The following WASHC5 variants were observed in gnomAD, a reference collection of about 807,000 sequenced individuals.
WASHC5 encodes the protein WASH complex subunit 5, also known as WASH complex subunit strumpellin.
A neutral mutation model predicts 150.4 loss-of-function variants in WASHC5; 101 were observed. The observed-to-expected ratio is 0.67, with a 90% confidence interval of 0.57 to 0.79. WASHC5 has a LOEUF of 0.79. Ranked by LOEUF, WASHC5 falls within the 30% of genes least tolerant of loss-of-function variation. WASHC5 has a pLI of 0.00. For synonymous variants in WASHC5, 467 were observed against 491.2 expected, an observed-to-expected ratio of 0.95 and a Z score of 0.65; for missense variants, 1,195 against 1,396.3, an observed-to-expected ratio of 0.86 and a Z score of 2.30.
chr8:125,049,261 T>C, intron 18 of WASHC5, 76 bp from the exon 19 acceptor site: 1 of 1,507,232 alleles, frequency 6.6e-7, no homozygotes, highest in South Asian at 1.1e-5. Flanking sequence ...CTAACTAGAC[T>C]TTAAATAGTA....
intron 26 of WASHC5, among the ~76,000 whole-genome samples, chr8:125,034,340 A>G (rs1815632924): frequency 6.6e-6 from 1 of 152,080 alleles, no homozygotes; most frequent in African/African-American, 2.4e-5. Context: ...CTCTACTAAC[A>G]ATACAAAAAT....
At chr8:125,033,811 A>G (rs1377629678) in intron 26 of WASHC5, among the ~76,000 whole-genome samples, 1 of 152,054 alleles carries the variant, frequency 6.6e-6, no homozygotes, top group African/African-American at 2.4e-5. Context: ...GCCTCCCAAA[A>G]TGCTGGGATT....
At chr8:125,068,451 C>T (rs1319503329) in intron 9 of WASHC5, among the ~76,000 whole-genome samples, 2 of 152,308 alleles carry the variant, frequency 1.3e-5, no homozygotes, top group East Asian at 1.9e-4. Context: ...TGGGACTCCA[C>T]TGGGAGAGGA....
intron 24 of WASHC5, among the ~76,000 whole-genome samples, chr8:125,039,264 A>G (rs558635071): frequency 1.5e-4 from 23 of 152,340 alleles, no homozygotes; most frequent in Admixed American, 1.1e-3. Context: ...TGAGAAGCAC[A>G]GATTATTTAT....
chr8:125,077,283 TC>T (rs1376133508), intron 6 of WASHC5, among the ~76,000 whole-genome samples: 1 of 152,242 alleles, frequency 6.6e-6, no homozygotes, highest in Admixed American at 6.5e-5. Context: ...CGGAATGCCT[TC>T]GCTCTTTCTC....
rs571640345 is a variant in WASHC5 at position 125,027,418 on chromosome 8, C to T, written c.3423+1202G>A. 3.9e-3 allele frequency among the ~76,000 whole-genome samples: 594 copies of T among 152,262 alleles called. 3 individuals are homozygous for T. Among genetic ancestry groups the T allele is most frequent in the Middle Eastern group, 0.017 (5 of 294 alleles). On this transcript the variant is annotated intron_variant, in intron 28 of 28. Coordinates refer to ENST00000318410, the MANE Select transcript of WASHC5 (RefSeq NM_014846.4). Reference sequence around the variant, plus strand: ...ATAAAGAAATTGTGATATATACATACGATGGAATGCTACGCAGCCATAAAA... The same window carrying T: ...ATAAAGAAATTGTGATATATACATATGATGGAATGCTACGCAGCCATAAAA...
chr8:125,044,618 G>A lies in WASHC5; in HGVS notation c.2585C>T (p.Ser862Leu). 2.5e-6 allele frequency: 4 copies of A among 1,614,122 alleles called. No individual in the cohort carries two copies. Among genetic ancestry groups the A allele is most frequent in the Non-Finnish European group, 3.4e-6 (4 of 1,179,972 alleles). ...HQEVTSSRLF[S>L]EIQTTLGTFG... ...GGTTCCCAAGGTGGTCTGGATTTCTGAGAAGAGGCGGCTGCTGGTCACTTC... is the reference window on the plus strand; with the variant it reads ...GGTTCCCAAGGTGGTCTGGATTTCTAAGAAGAGGCGGCTGCTGGTCACTTC... The change falls in exon 21 of 29, where the codon TCA becomes TTA. Residue 862 changes from serine (S) to leucine (L), a missense_variant. This residue lies in a region of WASHC5 where 997 missense variants were observed against 1,168.1 expected (regional missense o/e 0.85). Coordinates refer to ENST00000318410, the MANE Select transcript of WASHC5 (RefSeq NM_014846.4).
chr8:125,044,687 T>C lies in WASHC5; in HGVS notation c.2516A>G (p.His839Arg), dbSNP rs1310609854. Residue 839 changes from histidine to arginine, a missense_variant, in exon 21 of 29, where the codon CAC becomes CGC. His to Arg is a conservative substitution (Grantham distance 29, BLOSUM62 0). Coordinates refer to ENST00000318410, the MANE Select transcript of WASHC5 (RefSeq NM_014846.4). Reference sequence around the variant, plus strand: ...ATACCAAGTGTTCAGCTGGTCTATGTGACATGTCATTCTAAAATGAAAACA... The same window carrying C: ...ATACCAAGTGTTCAGCTGGTCTATGCGACATGTCATTCTAAAATGAAAACA... ...LRITDPKMTCHIDQLNTWYDM... is the reference protein window; with the variant it reads ...LRITDPKMTCRIDQLNTWYDM... The C allele has an allele frequency of 1.9e-6, 3 of 1,613,966 alleles. No individual in the cohort carries two copies. Among genetic ancestry groups the C allele is most frequent in the Non-Finnish European group, 2.5e-6 (3 of 1,179,944 alleles).
intron 1 of WASHC5, among the ~76,000 whole-genome samples, chr8:125,089,730 A>G (rs1817539858): frequency 2.6e-5 from 4 of 152,254 alleles, no homozygotes; most frequent in Admixed American, 1.3e-4. Flanking sequence ...TCAGTCTGGG[A>G]TAACGACAGA....
chr8:125,059,817 A>C (rs3736667), intron 12 of WASHC5, among the ~76,000 whole-genome samples: 8 of 152,242 alleles, frequency 5.3e-5, no homozygotes, highest in African/African-American at 1.9e-4. Flanking sequence ...TTAAAAACAA[A>C]ACAATGATTC....
intron 26 of WASHC5, among the ~76,000 whole-genome samples, chr8:125,036,350 A>AAAGTAT (rs1815704557): frequency 6.6e-6 from 1 of 152,200 alleles, no homozygotes; most frequent in South Asian, 2.1e-4. Context: ...ACCCTTACTG[A>AAAGTAT]GGTAGACCAT....
chr8:125,063,409 T>A, intron 11 of WASHC5, 113 bp downstream of exon 11: 1 of 1,171,846 alleles, frequency 8.5e-7, no homozygotes, highest in Non-Finnish European at 1.3e-6. Context: ...AGATGGAATA[T>A]CATAGGATAC....
intron 23 of WASHC5, chr8:125,040,643 G>A (rs372955741): frequency 6.6e-6 from 1 of 152,152 alleles, no homozygotes; most frequent in South Asian, 2.1e-4. Context: ...GTTCTCACGA[G>A]ATCTGATGGT....
intron 16 of WASHC5, 41 bp from the exon 17 acceptor site, chr8:125,055,712 T>A (rs901202659): frequency 5.1e-6 from 6 of 1,174,278 alleles, no homozygotes; most frequent in Non-Finnish European, 7.7e-6. Context: ...CACTGTCTAA[T>A]AGTCCTGGAA....
In WASHC5 at chr8:125,029,030, C is replaced by A. The variant is rs369705366; in HGVS notation, c.3336-323G>T. Among the ~76,000 whole-genome samples, 373 of 122,854 alleles carry A rather than the reference C, an allele frequency of 3.0e-3. 1 individual carries two copies. Among genetic ancestry groups the A allele is most frequent in the Middle Eastern group, 0.023 (4 of 174 alleles). The allele number at this position is 122,854 out of a possible 152,430, so 80.6% of individuals were successfully genotyped here. A position where few individuals can be genotyped will look rare whatever the true frequency, so the allele number is the denominator to read the frequency against. Reference sequence around the variant, plus strand: ...TCCCATACTTTCCCATCCCTGCACACTTTTTTTTTTTTTTTTTTGCGACAG... The same window carrying A: ...TCCCATACTTTCCCATCCCTGCACAATTTTTTTTTTTTTTTTTTGCGACAG... On this transcript the variant is annotated intron_variant, in intron 27 of 28. Coordinates refer to ENST00000318410, the MANE Select transcript of WASHC5 (RefSeq NM_014846.4).
At chr8:125,066,174 A>C (rs1013864547) in intron 10 of WASHC5, among the ~76,000 whole-genome samples, 1 of 152,216 alleles carries the variant, frequency 6.6e-6, no homozygotes, top group African/African-American at 2.4e-5. Context: ...AAAATTATTA[A>C]TAGATCAAAA....
chr8:125,073,067 T>C, intron 9 of WASHC5, 86 bp downstream of exon 9: 1 of 1,438,360 alleles, frequency 7.0e-7, no homozygotes, highest in Non-Finnish European at 9.8e-7. Flanking sequence ...CTCTCCCTGC[T>C]AAACCACTCT....
intron 1 of WASHC5, among the ~76,000 whole-genome samples, chr8:125,086,927 A>C (rs1490255910): frequency 6.6e-6 from 1 of 152,250 alleles, no homozygotes; most frequent in Non-Finnish European, 1.5e-5. Flanking sequence ...TGGTCCACTC[A>C]GCCCCCAGCT....
In WASHC5 at chr8:125,043,856, ATCT is replaced by A. The variant is rs780129491; in HGVS notation, c.2816_2818del (p.Lys939del). On this transcript the variant is annotated inframe_deletion, in exon 23 of 29. Coordinates refer to ENST00000318410, the MANE Select transcript of WASHC5 (RefSeq NM_014846.4). ...TATAGCCTCGAGATACGCAGTCCAAATCTTCTGTGTTTTGGCAATGGCGGAAAA... is the reference window on the plus strand; with the variant it reads ...TATAGCCTCGAGATACGCAGTCCAAATCTGTGTTTTGGCAATGGCGGAAAA... 6.2e-7 allele frequency: 1 copy of A among 1,612,822 alleles called. No homozygotes were observed.
Sources: gnomAD v4.1 joint callset for allele counts (sites outside exome capture counted in the v4.1 genomes callset) on GRCh38, gnomAD v4.1.1 for gene constraint, gnomAD v4.1.1 regional missense constraint, MANE v1.5 for transcripts, NCBI Gene and HGNC (gene_info 2026-07-23, HGNC 2026-07-21) for gene names.